PLEKHO2: variants seen among roughly 807,000 people sequenced by gnomAD.
PLEKHO2 encodes pleckstrin homology domain-containing family O member 2.
In PLEKHO2, 20 loss-of-function variants were observed where a neutral mutation model predicts 32.7. That is an observed-to-expected ratio of 0.61 (90% CI 0.43 to 0.89). The LOEUF (loss-of-function observed/expected upper bound fraction) is 0.89. PLEKHO2 is among the 40% of genes least tolerant of loss of function. The pLI, the probability that PLEKHO2 is intolerant of heterozygous loss-of-function variation, is 0.00. For missense variants in PLEKHO2, 568 were observed against 621.2 expected (o/e 0.91, Z 0.91); for synonymous variants, 247 against 246.3 (o/e 1.00, Z -0.03).
Position 64,865,073 on chromosome 15 carries a change from G to A in PLEKHO2, c.658G>A (p.Asp220Asn). Reference protein sequence around the residue: ...FLAPETTSPGDRVETPVGERA... With the variant: ...FLAPETTSPGNRVETPVGERA... ...AGCACCTGAGACCACCAGCCCTGGT[G>A]ACAGGGTGGAGACCCCTGTGGGGGA... Residue 220 changes from aspartate (D) to asparagine (N), a missense_variant, in exon 6 of 6, where the codon GAC becomes AAC. By Grantham distance (23) the Asp-to-Asn change is conservative (BLOSUM62 1). Coordinates refer to ENST00000323544, the MANE Select transcript of PLEKHO2 (RefSeq NM_025201.5). The A allele has an allele frequency of 6.2e-7, 1 of 1,614,106 alleles. No homozygotes were observed. Among genetic ancestry groups the A allele is most frequent in the Non-Finnish European group, 8.5e-7 (1 of 1,180,016 alleles).
At chr15:64,847,431 C>T (rs2084530971) in intron 1 of PLEKHO2, among the ~76,000 whole-genome samples, 1 of 152,152 alleles carries the variant, frequency 6.6e-6, no homozygotes, top group African/African-American at 2.4e-5. Flanking sequence ...CCCTCTCCTT[C>T]ACCCCCCACT....
At chr15:64,858,087 G>C (rs2084617273) in intron 3 of PLEKHO2, among the ~76,000 whole-genome samples, 1 of 152,240 alleles carries the variant, frequency 6.6e-6, no homozygotes, top group African/African-American at 2.4e-5. Context: ...GGTGGCCTTA[G>C]CGACCCCAGA....
At chr15:64,863,242 C>T (rs1049452594) in intron 5 of PLEKHO2, among the ~76,000 whole-genome samples, 12 of 152,148 alleles carry the variant, frequency 7.9e-5, no homozygotes, top group Non-Finnish European at 1.6e-4. Flanking sequence ...GGCCTTGCAG[C>T]GTATTTTCTA....
chr15:64,863,835 C>G (rs1052469452), intron 5 of PLEKHO2, among the ~76,000 whole-genome samples: 2 of 151,708 alleles, frequency 1.3e-5, no homozygotes, highest in African/African-American at 4.8e-5. Flanking sequence ...CCTCCGCTTC[C>G]AGGGTTCAAG....
chr15:64,855,374 G>A (rs2084600138), intron 3 of PLEKHO2, among the ~76,000 whole-genome samples: 1 of 152,182 alleles, frequency 6.6e-6, no homozygotes. Context: ...CCTGGGGGAG[G>A]CCCAGGGCTG....
chr15:64,861,287 G>C (rs1339189282), intron 4 of PLEKHO2, among the ~76,000 whole-genome samples, 190 bp from the exon 5 acceptor site: 2 of 152,262 alleles, frequency 1.3e-5, no homozygotes, highest in Admixed American at 6.5e-5. Flanking sequence ...GCTGCAGAGA[G>C]GGAGAGCCTC....
chr15:64,863,836 A>C (rs12904909), intron 5 of PLEKHO2, among the ~76,000 whole-genome samples: 106,753 of 150,764 alleles, frequency 0.71, 38,509 homozygotes, highest in East Asian at 0.93. Context: ...CTCCGCTTCC[A>C]GGGTTCAAGC....
In PLEKHO2 at chr15:64,864,949, G is replaced by A. The variant is rs373187596; in HGVS notation, c.534G>A (p.Pro178=). 10 of 1,613,884 alleles carry A rather than the reference G, an allele frequency of 6.2e-6. No individual in the cohort carries two copies. Among genetic ancestry groups the A allele is most frequent in the South Asian group, 1.1e-5 (1 of 91,082 alleles). ...DGLLRLDLDV[P]DSGPPVFAPS... ...TTCTGCGCCTGGATCTTGATGTTCC[G>A]GACAGTGGGCCACCAGTGTTTGCCC... The change falls in exon 6 of 6, where the codon CCG becomes CCA. Residue 178 remains proline, a synonymous_variant. Coordinates refer to ENST00000323544, the MANE Select transcript of PLEKHO2 (RefSeq NM_025201.5).
chr15:64,848,519 G>A (rs2084540065), intron 1 of PLEKHO2, 74 bp from the exon 2 acceptor site: 2 of 1,570,092 alleles, frequency 1.3e-6, no homozygotes, highest in Non-Finnish European at 1.7e-6. Context: ...CACATCCCTT[G>A]TGTGACCTAT....
chr15:64,846,777 G>A (rs1188106459), intron 1 of PLEKHO2, among the ~76,000 whole-genome samples: 3 of 152,198 alleles, frequency 2.0e-5, no homozygotes, highest in Non-Finnish European at 4.4e-5. Flanking sequence ...TGGGAACTGG[G>A]CCCAGGGAGA....
chr15:64,846,106 C>T (rs2084520001), intron 1 of PLEKHO2, among the ~76,000 whole-genome samples: 1 of 152,044 alleles, frequency 6.6e-6, no homozygotes, highest in Non-Finnish European at 1.5e-5. Context: ...CCCTTCTAGC[C>T]CTGGGCCTAT....
chr15:64,854,956 C>A lies in PLEKHO2; in HGVS notation c.198C>A (p.Gly66=). 6.2e-7 allele frequency: 1 copy of A among 1,612,424 alleles called. No individual in the cohort carries two copies. Among genetic ancestry groups the A allele is most frequent in the African/African-American group, 1.3e-5 (1 of 75,032 alleles). ...DQKCVETVEL[G]SYEKCQDLRA... is the part of the protein sequence containing the mutation. ...AGTGTGTGGAGACTGTGGAGCTGGG[C>A]AGCTATGAGAAGTGCCAGGACCTTC... The change falls in exon 3 of 6, where the codon GGC becomes GGA. Residue 66 remains glycine (G), a synonymous_variant. Coordinates refer to ENST00000323544, the MANE Select transcript of PLEKHO2 (RefSeq NM_025201.5).
chr15:64,863,649 G>A (rs2084660173), intron 5 of PLEKHO2, among the ~76,000 whole-genome samples: 1 of 151,992 alleles, frequency 6.6e-6, no homozygotes, highest in African/African-American at 2.4e-5. Flanking sequence ...AAGGGAGATG[G>A]GCATCGTGGC....
At chr15:64,845,812 G>A (rs2084517720) in intron 1 of PLEKHO2, among the ~76,000 whole-genome samples, 1 of 152,182 alleles carries the variant, frequency 6.6e-6, no homozygotes, top group African/African-American at 2.4e-5. Flanking sequence ...AAAGTTTTCA[G>A]GAGAGGTCAT....
Position 64,864,103 on chromosome 15 carries a change from C to T in PLEKHO2, c.484-796C>T, listed in dbSNP as rs546395975. On this transcript the variant is annotated intron_variant, in intron 5 of 5. Transcript: ENST00000323544. ...AGAGTAAGGATCCCAGCCAGGACCC[C>T]CACCATCTGAGGGACCTTGGGAAAG... is the stretch of plus-strand genomic sequence containing the variant. 4.6e-3 allele frequency among the ~76,000 whole-genome samples: 697 copies of T among 152,262 alleles called. 5 individuals carry two copies. Among genetic ancestry groups the T allele is most frequent in the Non-Finnish European group, 7.6e-3 (518 of 68,022 alleles).
rs1379306245 is a variant in PLEKHO2, at chr15:64,866,917, C to T, written c.*1029C>T. The T allele has an allele frequency of 6.5e-6, 1 of 152,786 alleles. No homozygotes were observed. The highest frequency in any genetic ancestry group is 1.5e-5 in the Non-Finnish European group (1 of 68,444). The allele number at this position is 152,786 out of a possible 1,614,324, so 9.5% of individuals were successfully genotyped here. ...GAATCCGAAGCCACTTCCCCGCCTT[C>T]AAGCCCCAGATGGGCTGCTCTCCTG... On this transcript the variant is annotated 3_prime_UTR_variant, in exon 6 of 6. Transcript: ENST00000323544.
chr15:64,844,917 C>G (rs948451312), intron 1 of PLEKHO2, among the ~76,000 whole-genome samples: 1 of 152,328 alleles, frequency 6.6e-6, no homozygotes, highest in Admixed American at 6.5e-5. Flanking sequence ...ACCCGCTCCC[C>G]ACCAGACAGG....
intron 3 of PLEKHO2, 21 bp downstream of exon 3, chr15:64,855,058 G>T: frequency 5.8e-6 from 9 of 1,546,872 alleles, no homozygotes; most frequent in Non-Finnish European, 7.9e-6. Context: ...GCCTGCTGCT[G>T]CCCCATCTCC....
chr15:64,842,606 G>T (rs374444710), intron 1 of PLEKHO2, among the ~76,000 whole-genome samples: 46 of 152,084 alleles, frequency 3.0e-4, no homozygotes, highest in African/African-American at 1.1e-3. Context: ...ATAAGTCTCT[G>T]TATCTTTTCC....
Sources: allele counts gnomAD v4.1 joint callset (sites outside exome capture counted in the v4.1 genomes callset), GRCh38; gene constraint gnomAD v4.1.1; transcripts MANE v1.5; gene names NCBI Gene and HGNC (gene_info 2026-07-23, HGNC 2026-07-21).